Variants in IPO7 observed in about 807,000 individuals in gnomAD.
IPO7 encodes importin-7.
IPO7 carries 13 observed loss-of-function variants against 136.4 expected under a neutral mutation model. The observed-to-expected ratio is 0.10, with a 90% CI of 0.06 to 0.15. IPO7 has a LOEUF of 0.15. Among genes scored for constraint, IPO7 ranks in the 10% least tolerant of loss-of-function variants. IPO7 has a pLI of 1.00. For synonymous variants in IPO7, 403 were observed against 404.4 expected (o/e 1.00, Z 0.04); for missense variants, 857 against 1,240.6 (o/e 0.69, Z 4.65).
rs756829995 is a variant in IPO7, at chr11:9,417,085, C to G, written c.663C>G (p.Asn221Lys). Residue 221 changes from asparagine (N) to lysine (K), a missense_variant, in exon 6 of 25, where the codon AAC (asparagine) becomes AAG (lysine). Around this residue, in one of 11 missense-constraint regions of IPO7, gnomAD observed 287 missense variants for 307.5 expected, o/e 0.93. Transcript: ENST00000379719. ...VQYTLPLELI[N>K]QQNLTEWIEI... ...ATACACTACCACTGGAACTGATAAA[C>G]CAACAGAACCTGACAGAATGGATAG... 29 of 1,559,554 alleles carry G rather than the reference C, an allele frequency of 1.9e-5. No individual in the cohort carries two copies. Among genetic ancestry groups the G allele is most frequent in the Non-Finnish European group, 2.5e-5 (28 of 1,132,544 alleles).
chr11:9,399,457 G>A (rs944003914), intron 1 of IPO7, among the ~76,000 whole-genome samples: 5 of 152,028 alleles, frequency 3.3e-5, no homozygotes, highest in South Asian at 2.1e-4. Flanking sequence ...CACCGCGCCC[G>A]GCAGCATTTT....
At chr11:9,441,038 T>C (rs537937012) in intron 23 of IPO7, among the ~76,000 whole-genome samples, 72 of 152,336 alleles carry the variant, frequency 4.7e-4, no homozygotes, top group African/African-American at 1.7e-3. Flanking sequence ...CCCAAACCTA[T>C]ACTTAACGTG....
intron 4 of IPO7, among the ~76,000 whole-genome samples, chr11:9,413,272 A>G (rs1206174091): frequency 1.3e-5 from 2 of 152,046 alleles, no homozygotes; most frequent in East Asian, 3.9e-4. Context: ...CTTGGCTCAT[A>G]ATTGATAGCC....
intron 1 of IPO7, among the ~76,000 whole-genome samples, chr11:9,387,168 T>G (rs574399933): frequency 6.6e-6 from 1 of 152,324 alleles, no homozygotes; most frequent in South Asian, 2.1e-4. Context: ...CTATGATGTC[T>G]CTCATTCCAG....
intron 19 of IPO7, 114 bp downstream of exon 19, chr11:9,435,145 C>G (rs1221693663): frequency 1.4e-6 from 1 of 691,710 alleles, no homozygotes; most frequent in African/African-American, 1.8e-5. Context: ...ATGGATCTGA[C>G]AGAATTAAGG....
chr11:9,438,835 G>A (rs1855420725), intron 22 of IPO7, among the ~76,000 whole-genome samples: 1 of 152,178 alleles, frequency 6.6e-6, no homozygotes, highest in African/African-American at 2.4e-5. Context: ...CACATTCTCA[G>A]CACTGTAGAT....
intron 1 of IPO7, among the ~76,000 whole-genome samples, chr11:9,396,810 T>C (rs1310561837): frequency 2.0e-5 from 3 of 152,250 alleles, no homozygotes; most frequent in African/African-American, 7.2e-5. Flanking sequence ...AGACACATTT[T>C]ACTTTCATTA....
At chr11:9,444,327 A>G (rs1257384308) in intron 24 of IPO7, among the ~76,000 whole-genome samples, 1 of 151,610 alleles carries the variant, frequency 6.6e-6, no homozygotes, top group South Asian at 2.1e-4. Flanking sequence ...ACCATTGTTA[A>G]TGCAAACAAT....
chr11:9,420,803 A>G (rs2133748066), intron 8 of IPO7, 105 bp downstream of exon 8: 4 of 738,204 alleles, frequency 5.4e-6, no homozygotes, highest in East Asian at 2.6e-5. Flanking sequence ...GCCTGTTTGG[A>G]CCCTGTACCA....
chr11:9,391,716 CAT>C (rs1165616963), intron 1 of IPO7, among the ~76,000 whole-genome samples: 1 of 152,092 alleles, frequency 6.6e-6, no homozygotes, highest in Non-Finnish European at 1.5e-5. Context: ...AATAAAATAA[CAT>C]AAAACTTCCT....
At chr11:9,438,379 C>T (rs1048915019) in intron 22 of IPO7, 94 bp downstream of exon 22, 10 of 776,928 alleles carry the variant, frequency 1.3e-5, no homozygotes, top group Middle Eastern at 2.6e-4. Flanking sequence ...GTAATCCCAG[C>T]ACTTTGGGAG....
chr11:9,400,672 T>C (rs1283785963), intron 1 of IPO7, among the ~76,000 whole-genome samples: 1 of 151,950 alleles, frequency 6.6e-6, no homozygotes. Context: ...TCCGCCCGCC[T>C]CGGCCTCCTA....
chr11:9,414,123 C>G (rs1195001491), intron 4 of IPO7, 132 bp from the exon 5 acceptor site: 3 of 603,794 alleles, frequency 5.0e-6, no homozygotes, highest in East Asian at 3.1e-5. Flanking sequence ...TGGTTTTGTT[C>G]TAGATATTTT....
In IPO7 at chr11:9,442,476, C is replaced by T. The variant is rs565015746; in HGVS notation, c.3019+279C>T. Reference sequence around the variant, plus strand: ...TCGCCCAGGCTGTAGTGCAGTGATGCGATGTCAGCTCACTGCAAGCTCTAC... The same window carrying T: ...TCGCCCAGGCTGTAGTGCAGTGATGTGATGTCAGCTCACTGCAAGCTCTAC... On this transcript the variant is annotated intron_variant, in intron 24 of 24. Transcript: ENST00000379719. Among the ~76,000 whole-genome samples, 6 of 151,884 alleles carry T rather than the reference C, an allele frequency of 4.0e-5. 1 individual carries two copies. Among genetic ancestry groups the T allele is most frequent in the African/African-American group, 1.2e-4 (5 of 41,434 alleles).
chr11:9,408,839 G>C lies in IPO7; in HGVS notation c.320+200G>C, dbSNP rs112037179. Among the ~76,000 whole-genome samples the C allele has an allele frequency of 2.0e-4, 29 of 148,114 alleles. No homozygotes were observed. The East Asian group carries it at 3.8e-3, about 19-fold the overall frequency. Reference sequence around the variant, plus strand: ...CAATTCTCCTGCCTCTCAGCTCCACGAGTAGCTGGGATTACAGGCACATGG... The same window carrying C: ...CAATTCTCCTGCCTCTCAGCTCCACCAGTAGCTGGGATTACAGGCACATGG... On this transcript the variant is annotated intron_variant, in intron 3 of 24. Coordinates refer to ENST00000379719, the MANE Select transcript of IPO7 (RefSeq NM_006391.3).
chr11:9,410,982 C>G (rs1854960894), intron 4 of IPO7, among the ~76,000 whole-genome samples: 2 of 152,254 alleles, frequency 1.3e-5, no homozygotes, highest in South Asian at 4.1e-4. Flanking sequence ...ATTCTCTGAG[C>G]AGGAGAGAAA....
At chr11:9,415,855 GA>G (rs1026625025) in intron 5 of IPO7, among the ~76,000 whole-genome samples, 3 of 151,478 alleles carry the variant, frequency 2.0e-5, no homozygotes, top group African/African-American at 7.3e-5. Flanking sequence ...AAGAAAAAAA[GA>G]AAAAAAAGAA....
chr11:9,427,024 A>AT (rs1179027801), intron 12 of IPO7, among the ~76,000 whole-genome samples: 1 of 151,508 alleles, frequency 6.6e-6, no homozygotes, highest in Non-Finnish European at 1.5e-5. Context: ...TAATTTTTGT[A>AT]TTTTTAGTAG....
chr11:9,423,017 G>A lies in IPO7; in HGVS notation c.918G>A (p.Lys306=). 2 of 1,531,490 alleles carry A rather than the reference G, an allele frequency of 1.3e-6. No individual in the cohort carries two copies. Among genetic ancestry groups the A allele is most frequent in the Non-Finnish European group, 1.8e-6 (2 of 1,138,846 alleles). The allele number at this position is 1,531,490 out of a possible 1,614,324, so 94.9% of individuals were successfully genotyped here. ...FAVGVQQVLL[K]VLYQYKEKQY... ...AATTTTTTTCCAAGGTTTTATTGAA[G>A]GTGTTATATCAGTACAAGGAGAAGC... Residue 306 remains lysine, a synonymous_variant, in exon 9 of 25, where the codon AAG becomes AAA. Transcript: ENST00000379719.
Sources: gnomAD v4.1 joint callset for allele counts (sites outside exome capture counted in the v4.1 genomes callset) on GRCh38, gnomAD v4.1.1 for gene constraint, gnomAD v4.1.1 regional missense constraint, MANE v1.5 for transcripts, NCBI Gene and HGNC (gene_info 2026-07-23, HGNC 2026-07-21) for gene names.